The following COL25A1 variants were observed in gnomAD, a reference collection of about 807,000 sequenced individuals.
COL25A1 encodes the protein collagen alpha-1(XXV) chain.
In COL25A1, 103 loss-of-function variants were observed where a neutral mutation model predicts 128.4. The ratio of observed to expected loss-of-function variants is 0.80; its 90% CI spans 0.68 to 0.94. The LOEUF (loss-of-function observed/expected upper bound fraction) is 0.94. COL25A1 is among the 40% of genes least tolerant of loss of function. The pLI is 0.00. For missense variants in COL25A1, 745 were observed against 840.0 expected (o/e 0.89, Z 1.40); for synonymous variants, 279 against 277.2 (o/e 1.01, Z -0.06).
intron 3 of COL25A1, among the ~76,000 whole-genome samples, chr4:109,103,318 C>T (rs574076333): frequency 1.3e-5 from 2 of 151,524 alleles, no homozygotes; most frequent in South Asian, 4.2e-4. Context: ...TAAATGTTAA[C>T]TCTCTAGACA....
chr4:109,210,312 T>C (rs971635000), intron 3 of COL25A1, among the ~76,000 whole-genome samples: 1 of 152,202 alleles, frequency 6.6e-6, no homozygotes, highest in Non-Finnish European at 1.5e-5. Context: ...TTTAATAAAA[T>C]TGTCTAAAAC....
intron 37 of COL25A1, among the ~76,000 whole-genome samples, chr4:108,814,555 G>A (rs1025209956): frequency 1.4e-4 from 21 of 152,040 alleles, no homozygotes; most frequent in Admixed American, 6.6e-5. Context: ...CCAGATTTCT[G>A]GTTTCTCACC....
At chr4:108,860,042 T>G (rs1023472590) in intron 23 of COL25A1, among the ~76,000 whole-genome samples, 4 of 152,326 alleles carry the variant, frequency 2.6e-5, no homozygotes, top group Non-Finnish European at 5.9e-5. Flanking sequence ...ATGTAAAATT[T>G]TATTTGCTTT....
chr4:109,270,343 CCTT>C (rs1344896464), intron 3 of COL25A1, among the ~76,000 whole-genome samples: 1 of 152,190 alleles, frequency 6.6e-6, no homozygotes, highest in Non-Finnish European at 1.5e-5. Context: ...CCCAAAATCT[CCTT>C]AAGCTGATAA....
At chr4:109,245,637 G>A (rs559481843) in intron 3 of COL25A1, among the ~76,000 whole-genome samples, 1 of 152,076 alleles carries the variant, frequency 6.6e-6, no homozygotes. Flanking sequence ...GGGTTCATGA[G>A]TACAGCGGCA....
chr4:108,953,570 T>C lies in COL25A1; in HGVS notation c.493-12133A>G, dbSNP rs115513017. Among the ~76,000 whole-genome samples, 1,515 of 152,250 alleles carry C rather than the reference T, an allele frequency of 1.0e-2. 27 individuals are homozygous for C. The highest frequency in any genetic ancestry group is 0.035 in the African/African-American group (1,438 of 41,552). ...TAAGACAAAAGGAAGTGGGGAGACT[T>C]GGCTGAATAGAAGAGTGAAGCTGGG... is the stretch of plus-strand genomic sequence containing the variant. On this transcript the variant is annotated intron_variant, in intron 8 of 37. Transcript: ENST00000399132.
chr4:109,038,145 G>A (rs1048128913), intron 5 of COL25A1, among the ~76,000 whole-genome samples: 2 of 152,156 alleles, frequency 1.3e-5, no homozygotes, highest in Admixed American at 6.5e-5. Flanking sequence ...TCAACTTGGC[G>A]AGGCTGCGGT....
At chr4:108,997,420 C>T (rs1283858222) in intron 6 of COL25A1, among the ~76,000 whole-genome samples, 1 of 152,080 alleles carries the variant, frequency 6.6e-6, no homozygotes, top group Non-Finnish European at 1.5e-5. Context: ...CAAAACTAAA[C>T]CAGGAAGAAG....
Position 109,083,338 on chromosome 4 carries a change from A to G in COL25A1, c.368-33159T>C, listed in dbSNP as rs1357002927. ...AAAAATGAAAAAAATTTCTAAAGGGAAGCATAACAATTTTATTACTCCATA... is the reference window on the plus strand; with the variant it reads ...AAAAATGAAAAAAATTTCTAAAGGGGAGCATAACAATTTTATTACTCCATA... On this transcript the variant is annotated intron_variant, in intron 3 of 37. Transcript: ENST00000399132. Among the ~76,000 whole-genome samples, 3 of 151,954 alleles carry G rather than the reference A, an allele frequency of 2.0e-5. No homozygotes were observed. In the East Asian group the frequency reaches 5.8e-4, roughly 29 times the overall value.
At position 109,288,962 on chromosome 4, in the gene COL25A1, T is replaced by TATATACACAC. The variant is rs1021982305; in HGVS notation, c.367+11620_367+11621insGTGTGTATAT. The stretch of plus-strand genomic sequence containing the variant: ...ACTACCAGGAATACTAAATTATATA[T>TATATACACAC]ACACACACACACACACACACACACA... On this transcript the variant is annotated intron_variant, in intron 3 of 37. Coordinates refer to ENST00000399132, the MANE Select transcript of COL25A1 (RefSeq NM_198721.4). Among the ~76,000 whole-genome samples, 248 of 133,588 alleles carry TATATACACAC rather than the reference T, an allele frequency of 1.9e-3. 3 individuals carry two copies. Among genetic ancestry groups the TATATACACAC allele is most frequent in the African/African-American group, 6.4e-3 (231 of 36,328 alleles). 87.6% of individuals were successfully genotyped at this position (133,588 alleles called of 152,430 possible). A position where few individuals can be genotyped will look rare whatever the true frequency, so the allele number is the denominator to read the frequency against.
chr4:108,943,875 A>C (rs1048516531), intron 8 of COL25A1, among the ~76,000 whole-genome samples: 7 of 151,922 alleles, frequency 4.6e-5, no homozygotes, highest in Admixed American at 2.6e-4. Context: ...AATAAACAAC[A>C]ACCACAGCAA....
At chr4:109,256,316 C>T (rs889175327) in intron 3 of COL25A1, among the ~76,000 whole-genome samples, 2 of 151,922 alleles carry the variant, frequency 1.3e-5, no homozygotes, top group African/African-American at 2.4e-5. Context: ...CTTGGGTGAA[C>T]ACGTACAGTT....
At chr4:109,103,382 T>C (rs2126025534) in intron 3 of COL25A1, among the ~76,000 whole-genome samples, 1 of 152,306 alleles carries the variant, frequency 6.6e-6, no homozygotes, top group East Asian at 1.9e-4. Context: ...TAAATACTTT[T>C]GTTTTTTGCC....
At chr4:109,038,773 T>C (rs1397579644) in intron 5 of COL25A1, among the ~76,000 whole-genome samples, 2 of 152,174 alleles carry the variant, frequency 1.3e-5, no homozygotes, top group African/African-American at 4.8e-5. Flanking sequence ...ATAAGAGGCT[T>C]CTTTTCTTGA....
rs1444029586 is a variant in COL25A1, at chr4:108,819,343, T to C, written c.1846-14A>G. On this transcript the variant is annotated splice_polypyrimidine_tract_variant and intron_variant, in intron 35 of 37. Transcript: ENST00000399132. ...GCCACGGAATCCCTGTTTGTAAAGA[T>C]TAACTCATAATGTTACTAACACAAG... is the stretch of plus-strand genomic sequence containing the variant. 1 of 1,604,340 alleles carries C rather than the reference T, an allele frequency of 6.2e-7. No individual in the cohort carries two copies. Among genetic ancestry groups the C allele is most frequent in the Non-Finnish European group, 8.5e-7 (1 of 1,173,894 alleles).
intron 8 of COL25A1, among the ~76,000 whole-genome samples, chr4:108,963,380 A>G (rs564035296): frequency 2.0e-5 from 3 of 152,184 alleles, no homozygotes; most frequent in South Asian, 2.1e-4. Context: ...TCTATCCACA[A>G]TATGTTCATT....
Position 109,083,448 on chromosome 4 carries a change from ATTTTTTTTTT to A in COL25A1, c.368-33279_368-33270del, listed in dbSNP as rs60165291. ...CACCAATAACTTTTACACTAAATAA[ATTTTTTTTTT>A]TTTTTTTTTTTTTTTTTTTTTTGAG... On this transcript the variant is annotated intron_variant, in intron 3 of 37. Coordinates refer to ENST00000399132, the MANE Select transcript of COL25A1 (RefSeq NM_198721.4). 3.4e-4 allele frequency among the ~76,000 whole-genome samples: 26 copies of A among 77,056 alleles called. 1 individual carries two copies. The highest frequency in any genetic ancestry group is 1.1e-3 in the East Asian group (3 of 2,846). 50.6% of individuals were successfully genotyped at this position (77,056 alleles called of 152,430 possible). A position where few individuals can be genotyped will look rare whatever the true frequency, so the allele number is the denominator to read the frequency against.
At chr4:109,082,793 G>A (rs937767394) in intron 3 of COL25A1, among the ~76,000 whole-genome samples, 1 of 151,906 alleles carries the variant, frequency 6.6e-6, no homozygotes, top group Non-Finnish European at 1.5e-5. Flanking sequence ...TAGGTTCGTG[G>A]TTACATTTGC....
intron 6 of COL25A1, among the ~76,000 whole-genome samples, chr4:109,001,372 C>CAGGCATCTGAGATCCTGTCAGGG (rs1755353196): frequency 2.9e-4 from 7 of 24,146 alleles, no homozygotes; most frequent in Admixed American, 5.8e-4. Flanking sequence ...TTAAAAGAAA[C>CAGGCATCTGAGATCCTGTCAGGG]AGGCATCTGA....
Sources: allele counts gnomAD v4.1 joint callset (sites outside exome capture counted in the v4.1 genomes callset), GRCh38; gene constraint gnomAD v4.1.1; transcripts MANE v1.5; gene names NCBI Gene and HGNC (gene_info 2026-07-23, HGNC 2026-07-21).